LRRIQ1: variants seen among roughly 807,000 people sequenced by gnomAD.
The protein encoded by LRRIQ1 is leucine rich repeats and IQ motif containing 1, also known as leucine-rich repeat- and IQ domain-containing protein 1.
In LRRIQ1, 210 loss-of-function variants were observed where a neutral mutation model predicts 211.9. The observed-to-expected ratio is 0.99, with a 90% CI of 0.89 to 1.11. LRRIQ1 has a LOEUF of 1.11. Among genes scored for constraint, LRRIQ1 ranks in the 50% most tolerant of loss-of-function variants. The pLI is 0.00. For synonymous variants in LRRIQ1, 699 were observed against 650.1 expected, an observed-to-expected ratio of 1.08 and a Z score of -1.14; for missense variants, 2,136 against 1,939.5, an observed-to-expected ratio of 1.10 and a Z score of -1.90.
At chr12:85,250,404 G>C (rs1895872136) in intron 1 of LRRIQ1, among the ~76,000 whole-genome samples, 1 of 151,708 alleles carries the variant, frequency 6.6e-6, no homozygotes, top group Non-Finnish European at 1.5e-5. Flanking sequence ...GATTTCCACA[G>C]ACCTAGCCTA....
intron 19 of LRRIQ1, among the ~76,000 whole-genome samples, chr12:85,150,680 C>A (rs1890181854): frequency 6.6e-6 from 1 of 151,610 alleles, no homozygotes; most frequent in Non-Finnish European, 1.5e-5. Flanking sequence ...TCTAGATTGC[C>A]ATTTTCAACC....
intron 3 of LRRIQ1, among the ~76,000 whole-genome samples, chr12:85,043,193 C>T (rs1475296120): frequency 1.3e-5 from 2 of 151,988 alleles, no homozygotes; most frequent in South Asian, 2.1e-4. Context: ...TAATTTATTA[C>T]TATATCTTTT....
At chr12:85,140,606 A>G (rs955383930) in intron 19 of LRRIQ1, among the ~76,000 whole-genome samples, 1 of 151,006 alleles carries the variant, frequency 6.6e-6, no homozygotes, top group African/African-American at 2.4e-5. Context: ...TATTATCCTG[A>G]TTACTGCTTC....
intron 24 of LRRIQ1, among the ~76,000 whole-genome samples, chr12:85,191,239 A>G (rs1318429612): frequency 1.3e-5 from 2 of 151,872 alleles, no homozygotes; most frequent in African/African-American, 4.8e-5. Context: ...ATTTTGACAA[A>G]TGTTTGATGA....
intron 15 of LRRIQ1, among the ~76,000 whole-genome samples, chr12:85,109,090 A>G (rs1886986333): frequency 2.6e-5 from 4 of 152,120 alleles, no homozygotes; most frequent in Admixed American, 2.6e-4. Context: ...GGATCTGACA[A>G]TTTCAGAGGA....
Position 85,186,996 on chromosome 12 carries a change from C to T in LRRIQ1, c.4822+26282C>T, listed in dbSNP as rs376569660. On this transcript the variant is annotated intron_variant, in intron 24 of 26. Transcript: ENST00000393217. Reference sequence around the variant, plus strand: ...AAACTAGTTCTGAACCTCCGTAAAGCATCACTCAGAGTTTTAATCAGAATT... The same window carrying T: ...AAACTAGTTCTGAACCTCCGTAAAGTATCACTCAGAGTTTTAATCAGAATT... Among the ~76,000 whole-genome samples the T allele has an allele frequency of 1.4e-4, 21 of 152,228 alleles. No individual in the cohort carries two copies. In the East Asian group the frequency reaches 4.0e-3, roughly 29 times the overall value.
intron 19 of LRRIQ1, among the ~76,000 whole-genome samples, chr12:85,144,490 A>C (rs543511018): frequency 4.5e-4 from 68 of 151,756 alleles, no homozygotes; most frequent in African/African-American, 1.5e-3. Flanking sequence ...ATAACACTTT[A>C]CTAGAGATGT....
chr12:85,254,400 G>A (rs538139041), intron 1 of LRRIQ1, among the ~76,000 whole-genome samples: 13 of 152,076 alleles, frequency 8.5e-5, no homozygotes, highest in African/African-American at 3.1e-4. Flanking sequence ...CTTCCTACTG[G>A]TCCCTTAGAT....
intron 11 of LRRIQ1, among the ~76,000 whole-genome samples, chr12:85,083,941 C>G (rs568926960): frequency 6.6e-6 from 1 of 152,046 alleles, no homozygotes; most frequent in African/African-American, 2.4e-5. Context: ...AATTATTTTT[C>G]TACTTGTATT....
At chr12:85,071,219 G>A (rs1012851951) in intron 10 of LRRIQ1, among the ~76,000 whole-genome samples, 2 of 151,688 alleles carry the variant, frequency 1.3e-5, no homozygotes, top group Non-Finnish European at 2.9e-5. Context: ...TATATAATAC[G>A]TAAAACATAT....
chr12:85,153,855 G>GT, intron 22 of LRRIQ1, 97 bp downstream of exon 22: 9 of 960,624 alleles, frequency 9.4e-6, no homozygotes, highest in Middle Eastern at 3.3e-4. Context: ...ACCTATATTA[G>GT]TTTTTTATAA....
intron 26 of LRRIQ1, among the ~76,000 whole-genome samples, chr12:85,239,554 C>T (rs1378036173): frequency 6.6e-6 from 1 of 151,722 alleles, no homozygotes; most frequent in African/African-American, 2.4e-5. Flanking sequence ...GGAAAGATAA[C>T]CCTTTCTACA....
chr12:85,251,788 AAAC>A (rs1387009492), intron 1 of LRRIQ1, among the ~76,000 whole-genome samples: 5 of 151,802 alleles, frequency 3.3e-5, no homozygotes, highest in African/African-American at 1.2e-4. Context: ...AAAAAAAAAA[AAAC>A]AGATATAGAG....
At chr12:85,236,261 T>G in intron 26 of LRRIQ1, among the ~76,000 whole-genome samples, 1 of 152,176 alleles carries the variant, frequency 6.6e-6, no homozygotes. Context: ...AAATATCAGT[T>G]GACTCTGTTA....
In LRRIQ1 at chr12:85,124,639, C is replaced by T. The variant is rs573706032; in HGVS notation, c.4007+120C>T. ...TTCAAATCACAATCATATTTCATAC[C>T]GATTCCATTATGTTTTCGTGAGGTG... On this transcript the variant is annotated intron_variant, in intron 17 of 26. Transcript: ENST00000393217. The T allele has an allele frequency of 4.6e-5, 35 of 763,952 alleles. No homozygotes were observed. The East Asian group carries it at 7.2e-4, about 16-fold the overall frequency. 47.3% of individuals were successfully genotyped at this position (763,952 alleles called of 1,614,324 possible). A position where few individuals can be genotyped will look rare whatever the true frequency, so the allele number is the denominator to read the frequency against.
At chr12:85,082,937 G>A (rs1884447921) in intron 11 of LRRIQ1, among the ~76,000 whole-genome samples, 1 of 152,140 alleles carries the variant, frequency 6.6e-6, no homozygotes, top group African/African-American at 2.4e-5. Context: ...GTCATTTATG[G>A]TACGTTTCTA....
At chr12:85,262,630 G>A (rs1232667784) in intron 1 of LRRIQ1, among the ~76,000 whole-genome samples, 1 of 151,982 alleles carries the variant, frequency 6.6e-6, no homozygotes, top group African/African-American at 2.4e-5. Context: ...TTTTATAGTT[G>A]TGAAACACCA....
intron 15 of LRRIQ1, among the ~76,000 whole-genome samples, chr12:85,107,328 T>G (rs1886854058): frequency 6.6e-6 from 1 of 152,066 alleles, no homozygotes; most frequent in Non-Finnish European, 1.5e-5. Flanking sequence ...AAGAAATACC[T>G]CATGCTTTTT....
At chr12:85,139,680 T>C (rs1889380850) in intron 19 of LRRIQ1, among the ~76,000 whole-genome samples, 1 of 151,420 alleles carries the variant, frequency 6.6e-6, no homozygotes, top group African/African-American at 2.4e-5. Flanking sequence ...TCAATAAGAC[T>C]ATGAAGATGA....
Sources: gnomAD v4.1 joint callset for allele counts (sites outside exome capture counted in the v4.1 genomes callset) on GRCh38, gnomAD v4.1.1 for gene constraint, MANE v1.5 for transcripts, NCBI Gene and HGNC (gene_info 2026-07-23, HGNC 2026-07-21) for gene names.